EYS: variants seen among roughly 807,000 people sequenced by gnomAD.
EYS encodes EGF-like photoreceptor maintenance factor, also known as protein eyes shut homolog.
In EYS, 250 loss-of-function variants were observed where a neutral mutation model predicts 282.1. The observed-to-expected ratio is 0.89, with a 90% CI of 0.80 to 0.98. The LOEUF is 0.98. Among genes scored for constraint, EYS ranks in the 50% least tolerant of loss-of-function variants. The probability of loss-of-function intolerance (pLI) is 0.00; values close to 1 mark genes in which losing one functional copy is unlikely to be tolerated. For synonymous variants in EYS, 1,355 were observed against 1,282.9 expected (o/e 1.06, Z -1.20); for missense variants, 4,016 against 3,709.0 (o/e 1.08, Z -2.15).
At chr6:64,235,948 A>C (rs1582465299) in intron 30 of EYS, among the ~76,000 whole-genome samples, 2 of 152,348 alleles carry the variant, frequency 1.3e-5, no homozygotes, top group South Asian at 4.1e-4. Flanking sequence ...ATAGGAAAAG[A>C]GGGAATCCTC....
chr6:64,034,309 A>G (rs191506979), intron 33 of EYS, among the ~76,000 whole-genome samples: 55 of 152,350 alleles, frequency 3.6e-4, no homozygotes, highest in African/African-American at 1.3e-3. Flanking sequence ...GCCAAATGCC[A>G]GAGACCAAGT....
chr6:64,974,342 C>A (rs1770402256), intron 14 of EYS, among the ~76,000 whole-genome samples: 1 of 151,698 alleles, frequency 6.6e-6, no homozygotes, highest in Non-Finnish European at 1.5e-5. Flanking sequence ...ATCCAAGGTA[C>A]TTCTTGTGAT....
At chr6:63,933,369 G>A (rs1332116287) in intron 35 of EYS, among the ~76,000 whole-genome samples, 1 of 152,026 alleles carries the variant, frequency 6.6e-6, no homozygotes, top group East Asian at 1.9e-4. Context: ...ATCACACGCG[G>A]CTAATTTTTG....
chr6:64,153,862 C>A (rs973573425), intron 31 of EYS, among the ~76,000 whole-genome samples: 2 of 151,966 alleles, frequency 1.3e-5, no homozygotes, highest in Non-Finnish European at 1.5e-5. Context: ...ATTTTTGTAG[C>A]GTTGCCTGTA....
In EYS at chr6:63,721,610, C is replaced by G. The variant is rs1768394394; in HGVS notation, c.8421G>C (p.Lys2807Asn). ...LDLDGINVTEKASTKMSSLDT... is the reference protein window; with the variant it reads ...LDLDGINVTENASTKMSSLDT... ...CCAGAGAACTCATTTTAGTGGAGGC[C>G]TTTTCTGTTACATTTATCCCATCTA... Residue 2807 changes from lysine (K) to asparagine (N), a missense_variant, in exon 43 of 43, where the codon AAG (lysine) becomes AAC (asparagine). Lys to Asn is a moderately conservative substitution (Grantham distance 94). Transcript: ENST00000503581. 6.4e-7 allele frequency: 1 copy of G among 1,551,238 alleles called. No homozygotes were observed. The highest frequency in any genetic ancestry group is 2.0e-5 in the Admixed American group (1 of 50,942).
intron 36 of EYS, among the ~76,000 whole-genome samples, chr6:63,831,028 T>C (rs1439968789): frequency 1.3e-5 from 2 of 152,172 alleles, no homozygotes; most frequent in African/African-American, 4.8e-5. Flanking sequence ...AGAGATTTTG[T>C]CACCACCAGG....
In EYS at chr6:64,660,142, A is replaced by T. The variant is rs535320632; in HGVS notation, c.3444-33897T>A. 3.3e-5 allele frequency among the ~76,000 whole-genome samples: 5 copies of T among 152,340 alleles called. No individual in the cohort carries two copies. In the South Asian group the frequency reaches 1.0e-3, roughly 32 times the overall value. On this transcript the variant is annotated intron_variant, in intron 22 of 42. Transcript: ENST00000503581. The stretch of plus-strand genomic sequence containing the variant: ...CAGAACCAACGACAAAAACCACATG[A>T]TTATCTCAATAGATGCAGAAAAGGC...
chr6:64,038,808 CTTTT>C (rs1251823595), intron 33 of EYS, among the ~76,000 whole-genome samples: 1 of 145,830 alleles, frequency 6.9e-6, no homozygotes, highest in East Asian at 2.0e-4. Flanking sequence ...TTCTTTCTTT[CTTTT>C]TTTTTTTCTT....
chr6:63,795,015 A>G (rs546960633), intron 37 of EYS, among the ~76,000 whole-genome samples: 53 of 152,356 alleles, frequency 3.5e-4, no homozygotes, highest in African/African-American at 1.2e-3. Flanking sequence ...CTCTACATGA[A>G]TAGTAGTTAA....
At chr6:64,046,191 A>G (rs1251400281) in intron 33 of EYS, among the ~76,000 whole-genome samples, 1 of 142,404 alleles carries the variant, frequency 7.0e-6, no homozygotes, top group East Asian at 2.0e-4. Flanking sequence ...TTTTTAATAT[A>G]GTTGAGAACA....
intron 31 of EYS, among the ~76,000 whole-genome samples, chr6:64,120,043 T>G (rs1773523648): frequency 6.6e-6 from 1 of 152,064 alleles, no homozygotes; most frequent in African/African-American, 2.4e-5. Context: ...TTTTAAGTCA[T>G]TTTAGAAAAA....
intron 29 of EYS, among the ~76,000 whole-genome samples, chr6:64,386,475 G>A (rs1208507043): frequency 2.6e-5 from 4 of 152,074 alleles, no homozygotes; most frequent in African/African-American, 7.2e-5. Context: ...TCACTACCAG[G>A]AGAACAGTAT....
chr6:64,829,540 C>T (rs542474503), intron 19 of EYS, among the ~76,000 whole-genome samples: 7 of 152,066 alleles, frequency 4.6e-5, no homozygotes, highest in African/African-American at 1.7e-4. Flanking sequence ...CTCATAATAT[C>T]TCACTGGACC....
rs145405434 is a variant in EYS, at chr6:65,169,446, C to T, written c.2024-111719G>A. Among the ~76,000 whole-genome samples, 306 of 151,424 alleles carry T rather than the reference C, an allele frequency of 2.0e-3. 2 individuals are homozygous for T. The highest frequency in any genetic ancestry group is 6.7e-3 in the African/African-American group (278 of 41,402). On this transcript the variant is annotated intron_variant, in intron 12 of 42. Coordinates refer to ENST00000503581, the MANE Select transcript of EYS (RefSeq NM_001142800.2). The stretch of plus-strand genomic sequence containing the variant: ...AATAAAAATACAAATATATGTATTA[C>T]GTTCTATTTTTAAATGTTTACATTT...
At chr6:65,577,241 TCCAA>T (rs1425843511) in intron 2 of EYS, among the ~76,000 whole-genome samples, 4 of 151,634 alleles carry the variant, frequency 2.6e-5, no homozygotes, top group African/African-American at 9.7e-5. Context: ...AAACCTGTTG[TCCAA>T]TGGAACAGAA....
intron 11 of EYS, among the ~76,000 whole-genome samples, chr6:65,320,782 G>A (rs758907837): frequency 6.6e-6 from 1 of 151,826 alleles, no homozygotes; most frequent in Non-Finnish European, 1.5e-5. Context: ...CTTAACAAGT[G>A]GCCTTAAACA....
At chr6:64,247,490 G>T (rs922800459) in intron 30 of EYS, among the ~76,000 whole-genome samples, 1 of 152,020 alleles carries the variant, frequency 6.6e-6, no homozygotes, top group African/African-American at 2.4e-5. Context: ...CAAGTAAATC[G>T]ATCTAGGATT....
chr6:65,667,979 C>A (rs1562318337), intron 1 of EYS, among the ~76,000 whole-genome samples: 1 of 151,768 alleles, frequency 6.6e-6, no homozygotes. Flanking sequence ...AACTGAGAAA[C>A]ATTAAGTGTG....
At chr6:65,573,874 C>T (rs1764565836) in intron 2 of EYS, among the ~76,000 whole-genome samples, 1 of 152,158 alleles carries the variant, frequency 6.6e-6, no homozygotes, top group African/African-American at 2.4e-5. Context: ...ACCTTGCATA[C>T]TGTTACTAAT....
Sources: gnomAD v4.1 joint callset for allele counts (sites outside exome capture counted in the v4.1 genomes callset) on GRCh38, gnomAD v4.1.1 for gene constraint, MANE v1.5 for transcripts, NCBI Gene and HGNC (gene_info 2026-07-23, HGNC 2026-07-21) for gene names.